Variants in SMOC1 observed in about 807,000 individuals in gnomAD.
SMOC1 encodes SPARC-related modular calcium-binding protein 1.
Under a neutral mutation model 56.3 loss-of-function variants are expected in SMOC1, and 22 were observed. The ratio of observed to expected loss-of-function variants is 0.39; its 90% CI spans 0.28 to 0.56. The LOEUF is 0.56. Ranked by LOEUF, SMOC1 falls within the 20% of genes least tolerant of loss-of-function variation. The probability of loss-of-function intolerance (pLI) is 0.61; values close to 1 mark genes in which losing one functional copy is unlikely to be tolerated. For synonymous variants in SMOC1, 193 were observed against 215.0 expected (o/e 0.90, Z 0.89); for missense variants, 509 against 565.4 (o/e 0.90, Z 1.01).
chr14:70,001,224 C>T (rs935244595), intron 7 of SMOC1, among the ~76,000 whole-genome samples: 8 of 152,162 alleles, frequency 5.3e-5, no homozygotes, highest in Middle Eastern at 3.4e-3. Flanking sequence ...CTAGCATTGC[C>T]GCTTAGTTTT....
At chr14:70,012,181 C>T (rs1199364379) in intron 9 of SMOC1, among the ~76,000 whole-genome samples, 1 of 152,216 alleles carries the variant, frequency 6.6e-6, no homozygotes, top group African/African-American at 2.4e-5. Context: ...GGGCCACCTT[C>T]CCATGACCTA....
At chr14:69,947,712 G>GC (rs1882839958) in intron 1 of SMOC1, among the ~76,000 whole-genome samples, 1 of 152,070 alleles carries the variant, frequency 6.6e-6, no homozygotes, top group South Asian at 2.1e-4. Context: ...GTAGCCTCTA[G>GC]CCACATGTGG....
intron 5 of SMOC1, among the ~76,000 whole-genome samples, chr14:69,983,395 C>T (rs1812165810): frequency 6.6e-6 from 1 of 152,218 alleles, no homozygotes; most frequent in African/African-American, 2.4e-5. Context: ...ATGAGTATAA[C>T]AGTACGAGTC....
At chr14:69,940,222 C>G (rs1001190733) in intron 1 of SMOC1, among the ~76,000 whole-genome samples, 1 of 152,184 alleles carries the variant, frequency 6.6e-6, no homozygotes, top group Non-Finnish European at 1.5e-5. Context: ...TCCCCACTCC[C>G]CACTGAACTT....
At chr14:69,949,491 A>C (rs1231652114) in intron 1 of SMOC1, among the ~76,000 whole-genome samples, 1 of 152,244 alleles carries the variant, frequency 6.6e-6, no homozygotes, top group Admixed American at 6.5e-5. Context: ...CTGGTAACCA[A>C]ATCATGCAAA....
At chr14:69,953,768 C>T (rs1242731635) in intron 3 of SMOC1, among the ~76,000 whole-genome samples, 2 of 152,244 alleles carry the variant, frequency 1.3e-5, no homozygotes, top group African/African-American at 4.8e-5. Flanking sequence ...AGCCAGGAAA[C>T]TGGCATTGCT....
chr14:69,946,565 T>C (rs181732356), intron 1 of SMOC1, among the ~76,000 whole-genome samples: 2 of 152,338 alleles, frequency 1.3e-5, no homozygotes, highest in East Asian at 3.9e-4. Flanking sequence ...AAACTGCTAT[T>C]TCCCTCTAGG....
chr14:69,926,957 A>G (rs1422402495), intron 1 of SMOC1, among the ~76,000 whole-genome samples: 3 of 152,238 alleles, frequency 2.0e-5, no homozygotes, highest in African/African-American at 7.2e-5. Flanking sequence ...TGATGATGAC[A>G]ACAGTGGCTC....
intron 3 of SMOC1, among the ~76,000 whole-genome samples, chr14:69,975,198 C>A (rs570666520): frequency 6.6e-6 from 1 of 152,166 alleles, no homozygotes; most frequent in Admixed American, 6.5e-5. Flanking sequence ...CAAAAATCAG[C>A]CTGGTGTGGT....
chr14:70,026,713 C>T (rs1202301731), intron 11 of SMOC1, among the ~76,000 whole-genome samples: 1 of 152,152 alleles, frequency 6.6e-6, no homozygotes, highest in African/African-American at 2.4e-5. Flanking sequence ...GGCCAGAAAG[C>T]CCGTGTCTGT....
chr14:69,986,857 T>C (rs1884385288), intron 5 of SMOC1, among the ~76,000 whole-genome samples: 2 of 152,340 alleles, frequency 1.3e-5, no homozygotes, highest in South Asian at 2.1e-4. Flanking sequence ...TATAAAACAC[T>C]GACCTCCTGC....
chr14:69,998,762 C>T (rs1261114910), intron 7 of SMOC1, among the ~76,000 whole-genome samples: 1 of 152,252 alleles, frequency 6.6e-6, no homozygotes, highest in Admixed American at 6.5e-5. Flanking sequence ...TCATTTCCTT[C>T]TGCCCTGGGG....
At chr14:69,904,286 A>T (rs1484351879) in intron 1 of SMOC1, among the ~76,000 whole-genome samples, 1 of 152,218 alleles carries the variant, frequency 6.6e-6, no homozygotes, top group Admixed American at 6.5e-5. Flanking sequence ...CCTCTGTGGA[A>T]CTTCTTCCCA....
chr14:69,996,213 A>C (rs1884759513), intron 7 of SMOC1, among the ~76,000 whole-genome samples: 2 of 152,220 alleles, frequency 1.3e-5, no homozygotes, highest in South Asian at 4.1e-4. Flanking sequence ...AAAGATCATC[A>C]TCATCATCAT....
intron 3 of SMOC1, among the ~76,000 whole-genome samples, chr14:69,971,135 C>T (rs1404174407): frequency 3.3e-5 from 5 of 152,192 alleles, no homozygotes; most frequent in Non-Finnish European, 2.9e-5. Flanking sequence ...TATCCTGCTT[C>T]GGCCTCCCGA....
intron 7 of SMOC1, among the ~76,000 whole-genome samples, chr14:70,008,203 C>T (rs1885210511): frequency 6.6e-6 from 1 of 152,052 alleles, no homozygotes; most frequent in Non-Finnish European, 1.5e-5. Flanking sequence ...GATCATGGCT[C>T]ACTGCAGCCT....
intron 6 of SMOC1, among the ~76,000 whole-genome samples, chr14:69,993,787 C>A (rs1365109933): frequency 6.6e-6 from 1 of 152,130 alleles, no homozygotes; most frequent in Non-Finnish European, 1.5e-5. Context: ...CTCCCCAATA[C>A]CCTCATTGAA....
At chr14:69,898,154 T>C (rs1380534485) in intron 1 of SMOC1, among the ~76,000 whole-genome samples, 1 of 152,206 alleles carries the variant, frequency 6.6e-6, no homozygotes, top group South Asian at 2.1e-4. Flanking sequence ...ATAATTCTTA[T>C]CTTTGCTCTT....
intron 3 of SMOC1, among the ~76,000 whole-genome samples, chr14:69,968,996 C>T (rs1883667109): frequency 6.6e-6 from 1 of 152,092 alleles, no homozygotes; most frequent in East Asian, 1.9e-4. Flanking sequence ...GATTTCTTAG[C>T]AAATACATAG....
Sources: allele counts gnomAD v4.1 joint callset (sites outside exome capture counted in the v4.1 genomes callset), GRCh38; gene constraint gnomAD v4.1.1; transcripts MANE v1.5; gene names NCBI Gene and HGNC (gene_info 2026-07-23, HGNC 2026-07-21).